DCAF5: variants seen among roughly 807,000 people sequenced by gnomAD.
DCAF5 encodes DDB1- and CUL4-associated factor 5.
Under a neutral mutation model 80.7 loss-of-function variants are expected in DCAF5, and 9 were observed. That is an observed-to-expected ratio of 0.11 (90% CI 0.07 to 0.19). DCAF5 has a LOEUF of 0.19. Among genes scored for constraint, DCAF5 ranks in the 10% least tolerant of loss-of-function variants. The pLI is 1.00. For synonymous variants in DCAF5, 433 were observed against 461.9 expected (o/e 0.94, Z 0.80); for missense variants, 842 against 1,205.7 (o/e 0.70, Z 4.47).
rs2037788354 is a variant in DCAF5, at chr14:69,052,320, C to T, written c.*1537G>A. On this transcript the variant is annotated 3_prime_UTR_variant, in exon 9 of 9. Transcript: ENST00000341516. ...TCCAGTTCCAGCAGGACAGGCCTTC[C>T]TCTGAAAGGAAGCCTGGGGCAGTGA... The T allele has an allele frequency of 6.5e-6, 1 of 152,696 alleles. No individual in the cohort carries two copies. Among genetic ancestry groups the T allele is most frequent in the Non-Finnish European group, 1.5e-5 (1 of 68,058 alleles). The allele number at this position is 152,696 out of a possible 1,614,324, so 9.5% of individuals were successfully genotyped here.
In DCAF5 at chr14:69,050,901, G is replaced by C. The variant is rs1385820909; in HGVS notation, c.*2956C>G. The C allele has an allele frequency of 6.6e-6, 1 of 152,622 alleles. No homozygotes were observed. Among genetic ancestry groups the C allele is most frequent in the African/African-American group, 2.4e-5 (1 of 41,456 alleles). 9.5% of individuals were successfully genotyped at this position (152,622 alleles called of 1,614,324 possible). A position where few individuals can be genotyped will look rare whatever the true frequency, so the allele number is the denominator to read the frequency against. On this transcript the variant is annotated 3_prime_UTR_variant, in exon 9 of 9. Coordinates refer to ENST00000341516, the MANE Select transcript of DCAF5 (RefSeq NM_003861.3). The stretch of plus-strand genomic sequence containing the variant: ...GTGTCTAAGCAACCAAGTCTTCCCT[G>C]GAAGAGAAGAGGAAGACGTGAGAAG...
At position 69,118,035 on chromosome 14, in the gene DCAF5, G is replaced by A; in HGVS notation, c.535+104C>T. The A allele has an allele frequency of 6.8e-7, 1 of 1,472,082 alleles. No individual in the cohort carries two copies. Among genetic ancestry groups the A allele is most frequent in the Non-Finnish European group, 9.4e-7 (1 of 1,068,668 alleles). The allele number at this position is 1,472,082 out of a possible 1,614,324, so 91.2% of individuals were successfully genotyped here. On this transcript the variant is annotated intron_variant, in intron 4 of 8. Transcript: ENST00000341516. The surrounding 1 kb of genome is among the most constrained non-coding windows in gnomAD (Gnocchi z 4.0). ...GAGTGTTTCACATTTCCTTTCCCTT[G>A]ACATCACTTGCACATAGATACTGAG...
chr14:69,139,859 AGGAAG>A (rs1454513224), intron 1 of DCAF5, among the ~76,000 whole-genome samples: 1 of 147,618 alleles, frequency 6.8e-6, no homozygotes, highest in Non-Finnish European at 1.5e-5. Context: ...AGGAGAAGGA[AGGAAG>A]GGAAGGAGGG....
chr14:69,112,908 C>T (rs1395109030), intron 5 of DCAF5, among the ~76,000 whole-genome samples: 2 of 152,178 alleles, frequency 1.3e-5, no homozygotes, highest in African/African-American at 4.8e-5. Context: ...ACTTCCTACA[C>T]TAAACCATCA....
intron 5 of DCAF5, among the ~76,000 whole-genome samples, chr14:69,101,072 T>G (rs2039935658): frequency 6.6e-6 from 1 of 152,222 alleles, no homozygotes; most frequent in South Asian, 2.1e-4. Context: ...CAACCTATGT[T>G]ACACTGGAGG....
chr14:69,075,232 TTA>T, intron 7 of DCAF5, 111 bp downstream of exon 7: 1 of 688,778 alleles, frequency 1.5e-6, no homozygotes, highest in Admixed American at 2.5e-5. Context: ...TGGTCACAGC[TTA>T]TGTTAGAAAT....
intron 6 of DCAF5, among the ~76,000 whole-genome samples, chr14:69,082,333 C>A (rs2039137046): frequency 6.6e-6 from 1 of 152,226 alleles, no homozygotes; most frequent in South Asian, 2.1e-4. Flanking sequence ...ATAAGATTAA[C>A]ACTATTTTTG....
chr14:69,075,439 CAT>C, intron 6 of DCAF5, 28 bp from the exon 7 acceptor site: 8 of 1,347,824 alleles, frequency 5.9e-6, no homozygotes, highest in African/African-American at 1.4e-5. Context: ...ATATAGATAA[CAT>C]TATATATTAT....
chr14:69,113,840 T>C (rs1296945038), intron 5 of DCAF5, among the ~76,000 whole-genome samples: 1 of 152,166 alleles, frequency 6.6e-6, no homozygotes, highest in Non-Finnish European at 1.5e-5. Flanking sequence ...CCATAAAACC[T>C]TGTAGAACCT....
At chr14:69,153,168 C>T (rs994392873), upstream of DCAF5, 1 of 439,412 alleles carries the variant, frequency 2.3e-6, no homozygotes, top group Non-Finnish European at 3.9e-6. Context: ...CCTCCCTCTC[C>T]TTCCCCCCGA....
intron 1 of DCAF5, among the ~76,000 whole-genome samples, chr14:69,122,941 T>C (rs2014607): frequency 6.6e-6 from 1 of 152,042 alleles, no homozygotes; most frequent in African/African-American, 2.4e-5. Flanking sequence ...CTAAGTTGGT[T>C]GTTATTGTTT....
chr14:69,095,798 T>C (rs1184758232), intron 5 of DCAF5, among the ~76,000 whole-genome samples: 2 of 152,186 alleles, frequency 1.3e-5, no homozygotes, highest in East Asian at 1.9e-4. Flanking sequence ...ATCCATCTGA[T>C]ACACCTGGTG....
intron 1 of DCAF5, among the ~76,000 whole-genome samples, chr14:69,130,600 A>T (rs1373578592): frequency 6.6e-6 from 1 of 152,250 alleles, no homozygotes; most frequent in African/African-American, 2.4e-5. Flanking sequence ...ATTTCACAAT[A>T]AAAAATATAA....
At chr14:69,139,462 T>C (rs893807820) in intron 1 of DCAF5, among the ~76,000 whole-genome samples, 12 of 151,898 alleles carry the variant, frequency 7.9e-5, no homozygotes, top group Non-Finnish European at 1.5e-4. Context: ...ATCATGCCAC[T>C]GCACTTTAGC....
chr14:69,099,377 AG>A (rs967770353), intron 5 of DCAF5, among the ~76,000 whole-genome samples: 5 of 151,566 alleles, frequency 3.3e-5, no homozygotes, highest in African/African-American at 9.7e-5. Flanking sequence ...CCTGATCTCG[AG>A]GGGCAAGCAG....
chr14:69,070,823 G>T (rs1196452283), intron 7 of DCAF5, among the ~76,000 whole-genome samples: 1 of 150,222 alleles, frequency 6.7e-6, no homozygotes, highest in Non-Finnish European at 1.5e-5. Flanking sequence ...TTTTGAGACG[G>T]AGTCTCCTCT....
intron 1 of DCAF5, among the ~76,000 whole-genome samples, chr14:69,126,954 T>C (rs1203016896): frequency 3.3e-5 from 5 of 152,184 alleles, no homozygotes; most frequent in Non-Finnish European, 7.4e-5. Context: ...ATAAAACTCC[T>C]AGAAGATAGT....
chr14:69,132,422 C>A (rs901978872), intron 1 of DCAF5, among the ~76,000 whole-genome samples: 2 of 152,054 alleles, frequency 1.3e-5, no homozygotes, highest in Non-Finnish European at 2.9e-5. Flanking sequence ...TATCTCAGAG[C>A]GCATCATTCT....
At chr14:69,124,573 T>C (rs892555145) in intron 1 of DCAF5, among the ~76,000 whole-genome samples, 9 of 152,226 alleles carry the variant, frequency 5.9e-5, no homozygotes, top group Non-Finnish European at 1.5e-5. Context: ...TGGCCCACAG[T>C]GTTCTCTTTA....
Sources: gnomAD v4.1 joint callset for allele counts (sites outside exome capture counted in the v4.1 genomes callset) on GRCh38, gnomAD v4.1.1 for gene constraint, Gnocchi (gnomAD v3.1) non-coding constraint, MANE v1.5 for transcripts, NCBI Gene and HGNC (gene_info 2026-07-23, HGNC 2026-07-21) for gene names.